Variants in BMP2K observed in about 807,000 individuals in gnomAD.
The protein encoded by BMP2K is BMP-2-inducible protein kinase.
A neutral mutation model predicts 116.0 loss-of-function variants in BMP2K; 74 were observed. That is an observed-to-expected ratio of 0.64 (90% CI 0.53 to 0.77). BMP2K has a LOEUF of 0.77. Among genes scored for constraint, BMP2K ranks in the 30% least tolerant of loss-of-function variants. The probability of loss-of-function intolerance (pLI) is 0.00; values close to 1 mark genes in which losing one functional copy is unlikely to be tolerated. For synonymous variants in BMP2K, 486 were observed against 502.5 expected, an observed-to-expected ratio of 0.97 and a Z score of 0.44; for missense variants, 1,365 against 1,403.6, an observed-to-expected ratio of 0.97 and a Z score of 0.44.
In BMP2K at chr4:78,870,951, A is replaced by G. The variant is rs1303860069; in HGVS notation, c.1400A>G (p.Gln467Arg). Reference sequence around the variant, plus strand: ...CACCAGCAGCAGCAGCAGCAGCAGCAGCAACAGCAACAGCAGCAGCAGCAA... The same window carrying G: ...CACCAGCAGCAGCAGCAGCAGCAGCGGCAACAGCAACAGCAGCAGCAGCAA... ...HPHQQQQQQQ[Q>R]QQQQQQQQQQ... Residue 467 changes from glutamine (Q) to arginine (R), a missense_variant, in exon 11 of 16, where the codon CAG becomes CGG. Coordinates refer to ENST00000502613, the MANE Select transcript of BMP2K (RefSeq NM_198892.2). 1 of 1,611,574 alleles carries G rather than the reference A, an allele frequency of 6.2e-7. No homozygotes were observed. The highest frequency in any genetic ancestry group is 8.5e-7 in the Non-Finnish European group (1 of 1,178,910).
rs566660454 is a variant in BMP2K at position 78,886,397 on chromosome 4, G to T, written c.1952-777G>T. 1.2e-4 allele frequency among the ~76,000 whole-genome samples: 18 copies of T among 152,210 alleles called. No homozygotes were observed. The East Asian group carries it at 3.3e-3, about 28-fold the overall frequency. On this transcript the variant is annotated intron_variant, in intron 14 of 15. Coordinates refer to ENST00000502613, the MANE Select transcript of BMP2K (RefSeq NM_198892.2). ...CCACTTCCTCAATTCCTGTTTCCCTGCACTACATTTTTCTCTATAGCTTTT... is the reference window on the plus strand; with the variant it reads ...CCACTTCCTCAATTCCTGTTTCCCTTCACTACATTTTTCTCTATAGCTTTT...
At chr4:78,831,913 C>G (rs1730225327) in intron 2 of BMP2K, among the ~76,000 whole-genome samples, 1 of 152,062 alleles carries the variant, frequency 6.6e-6, no homozygotes. Context: ...TTCTCTTTCT[C>G]CATGGTTTTT....
chr4:78,903,059 G>A (rs1734093929), intron 15 of BMP2K, among the ~76,000 whole-genome samples: 2 of 151,946 alleles, frequency 1.3e-5, no homozygotes, highest in Non-Finnish European at 2.9e-5. Flanking sequence ...TGTTTGGACT[G>A]TGCAAGGCTA....
intron 7 of BMP2K, among the ~76,000 whole-genome samples, chr4:78,858,273 T>G (rs922600172): frequency 9.2e-5 from 14 of 151,964 alleles, no homozygotes; most frequent in African/African-American, 3.1e-4. Flanking sequence ...TAAAAACATT[T>G]AATATCTGTT....
chr4:78,829,853 T>TCTCTTCTCTTCTC (rs1409765031), intron 2 of BMP2K, among the ~76,000 whole-genome samples: 2 of 150,066 alleles, frequency 1.3e-5, no homozygotes, highest in African/African-American at 2.5e-5. Context: ...TTCTCTTCTT[T>TCTCTTCTCTTCTC]TTTTCTTTTC....
intron 15 of BMP2K, among the ~76,000 whole-genome samples, chr4:78,910,358 CAGTGAG>C (rs1054666384): frequency 3.9e-5 from 6 of 152,132 alleles, no homozygotes; most frequent in Non-Finnish European, 8.8e-5. Context: ...ATTTGGCTGT[CAGTGAG>C]AGTACGATGA....
chr4:78,786,419 G>A (rs1727734267), intron 1 of BMP2K, among the ~76,000 whole-genome samples: 1 of 150,070 alleles, frequency 6.7e-6, no homozygotes, highest in Admixed American at 6.6e-5. Flanking sequence ...GTGTGTGTGT[G>A]TGTGTGTGTG....
At position 78,837,191 on chromosome 4, in the gene BMP2K, T is replaced by C. The variant is rs532610528; in HGVS notation, c.403+3504T>C. ...TATATTATTTTTAATTTCCAAGGAC[T>C]CTTTTCTTTTTTTTTTGAGACGTAG... On this transcript the variant is annotated intron_variant, in intron 3 of 15. Transcript: ENST00000502613. Among the ~76,000 whole-genome samples, 32 of 151,908 alleles carry C rather than the reference T, an allele frequency of 2.1e-4. No homozygotes were observed. The South Asian group carries it at 5.8e-3, about 28-fold the overall frequency.
At chr4:78,816,298 T>C (rs2109981983) in intron 1 of BMP2K, among the ~76,000 whole-genome samples, 1 of 152,300 alleles carries the variant, frequency 6.6e-6, no homozygotes, top group East Asian at 1.9e-4. Flanking sequence ...TGATAGTGAC[T>C]ACCAGATCTC....
At chr4:78,881,147 G>A (rs1732863510) in intron 14 of BMP2K, among the ~76,000 whole-genome samples, 1 of 152,280 alleles carries the variant, frequency 6.6e-6, no homozygotes, top group African/African-American at 2.4e-5. Context: ...ACTTCATAGG[G>A]TTGTCCAGAT....
intron 14 of BMP2K, chr4:78,880,030 A>C (rs998777917): frequency 2.6e-4 from 40 of 152,074 alleles, no homozygotes; most frequent in Admixed American, 2.6e-3. Flanking sequence ...GCATTTTCCT[A>C]GAATTTATGT....
chr4:78,883,737 A>G (rs1051135359), intron 14 of BMP2K, among the ~76,000 whole-genome samples: 3 of 152,178 alleles, frequency 2.0e-5, no homozygotes, highest in Non-Finnish European at 4.4e-5. Context: ...CAGTTTTATA[A>G]GCTGGGACTC....
At chr4:78,885,809 T>TACAAAAA (rs1164368384) in intron 14 of BMP2K, among the ~76,000 whole-genome samples, 3 of 152,194 alleles carry the variant, frequency 2.0e-5, no homozygotes, top group Non-Finnish European at 4.4e-5. Context: ...AGAGACATCC[T>TACAAAAA]ACAAAAATCA....
chr4:78,829,806 T>TCTTCC (rs1730110330), intron 2 of BMP2K, among the ~76,000 whole-genome samples: 2 of 138,048 alleles, frequency 1.4e-5, no homozygotes, highest in African/African-American at 6.3e-5. Context: ...TCTTCTCTTC[T>TCTTCC]CTTCTCTTCT....
At chr4:78,783,833 T>C (rs930673656) in intron 1 of BMP2K, among the ~76,000 whole-genome samples, 1 of 151,836 alleles carries the variant, frequency 6.6e-6, no homozygotes, top group Admixed American at 6.6e-5. Context: ...AAATAAATAA[T>C]AAATAAAAAT....
At chr4:78,796,895 G>A (rs1413299305) in intron 1 of BMP2K, among the ~76,000 whole-genome samples, 4 of 152,144 alleles carry the variant, frequency 2.6e-5, no homozygotes, top group Non-Finnish European at 5.9e-5. Flanking sequence ...CGTGATGTAG[G>A]AAAAAGTGGA....
At chr4:78,788,709 T>A (rs75650151) in intron 1 of BMP2K, among the ~76,000 whole-genome samples, 8,781 of 151,702 alleles carry the variant, frequency 0.058, 366 homozygotes, top group East Asian at 0.21. Flanking sequence ...TTTTTTTTTT[T>A]AAATATGTGT....
intron 13 of BMP2K, among the ~76,000 whole-genome samples, chr4:78,877,783 T>G (rs1267812036): frequency 6.6e-6 from 1 of 152,226 alleles, no homozygotes; most frequent in Non-Finnish European, 1.5e-5. Context: ...GTAGGTGTGT[T>G]CAAATCAGCA....
At chr4:78,832,768 GGTCT>G (rs1411476435) in intron 2 of BMP2K, among the ~76,000 whole-genome samples, 1 of 151,752 alleles carries the variant, frequency 6.6e-6, no homozygotes, top group Non-Finnish European at 1.5e-5. Flanking sequence ...TTAGAATGGT[GGTCT>G]GTCAACTTTT....
Sources: allele counts gnomAD v4.1 joint callset (sites outside exome capture counted in the v4.1 genomes callset), GRCh38; gene constraint gnomAD v4.1.1; transcripts MANE v1.5; gene names NCBI Gene and HGNC (gene_info 2026-07-23, HGNC 2026-07-21).